KIF16B: variants seen among roughly 807,000 people sequenced by gnomAD.
KIF16B encodes the protein kinesin-like protein KIF16B.
KIF16B carries 98 observed loss-of-function variants against 156.3 expected under a neutral mutation model. The ratio of observed to expected loss-of-function variants is 0.63; its 90% CI spans 0.53 to 0.74. The LOEUF (loss-of-function observed/expected upper bound fraction) is 0.74. Among genes scored for constraint, KIF16B ranks in the 30% least tolerant of loss-of-function variants. The pLI, the probability that KIF16B is intolerant of heterozygous loss-of-function variation, is 0.00. For missense variants in KIF16B, 1,421 were observed against 1,606.5 expected, an observed-to-expected ratio of 0.88 and a Z score of 1.97; for synonymous variants, 564 against 583.7, an observed-to-expected ratio of 0.97 and a Z score of 0.49.
intron 4 of KIF16B, among the ~76,000 whole-genome samples, chr20:16,513,247 A>C (rs1200486198): frequency 6.6e-6 from 1 of 152,224 alleles, no homozygotes; most frequent in Non-Finnish European, 1.5e-5. Context: ...TTAAAAATAC[A>C]TGCTCAAATG....
rs73597774 is a variant in KIF16B, at chr20:16,491,058, A to C, written c.1302+3233T>G. Among the ~76,000 whole-genome samples, 595 of 152,334 alleles carry C rather than the reference A, an allele frequency of 3.9e-3. 5 individuals carry two copies. Among genetic ancestry groups the C allele is most frequent in the East Asian group, 0.022 (116 of 5,186 alleles). ...CAAAACCAAATACTGCAGAAGCACAAAGGAAAAGAAAATTCATCCTAACTG... is the reference window on the plus strand; with the variant it reads ...CAAAACCAAATACTGCAGAAGCACACAGGAAAAGAAAATTCATCCTAACTG... On this transcript the variant is annotated intron_variant, in intron 12 of 25. Transcript: ENST00000354981.
intron 1 of KIF16B, among the ~76,000 whole-genome samples, chr20:16,531,365 T>C (rs1263623428): frequency 6.6e-6 from 1 of 152,206 alleles, no homozygotes. Context: ...TTTAGAGATA[T>C]TCCAGCTAAA....
chr20:16,429,010 A>G lies in KIF16B; in HGVS notation c.1423-6T>C. The stretch of plus-strand genomic sequence containing the variant: ...CCAACGTATGTCTGACCTTCCTGGG[A>G]AGAAAACCCAAGCAAAATGTATTAG... On this transcript the variant is annotated splice_region_variant and splice_polypyrimidine_tract_variant and intron_variant, in intron 13 of 25. Coordinates refer to ENST00000354981, the MANE Select transcript of KIF16B (RefSeq NM_024704.5). 1.2e-6 allele frequency: 2 copies of G among 1,610,870 alleles called. No individual in the cohort carries two copies. Among genetic ancestry groups the G allele is most frequent in the Non-Finnish European group, 1.7e-6 (2 of 1,177,242 alleles).
chr20:16,499,320 T>C (rs751546713), intron 10 of KIF16B, among the ~76,000 whole-genome samples: 4 of 152,218 alleles, frequency 2.6e-5, no homozygotes, highest in Non-Finnish European at 4.4e-5. Flanking sequence ...ACATATGTAG[T>C]TCATCCTAAT....
At chr20:16,367,360 G>C in intron 22 of KIF16B, 1 of 1,612,852 alleles carries the variant, frequency 6.2e-7, no homozygotes, top group South Asian at 1.1e-5. Flanking sequence ...TTCTACTGTT[G>C]ACACATTTTT....
At chr20:16,397,781 G>C (rs141523492) in intron 17 of KIF16B, among the ~76,000 whole-genome samples, 58 of 152,360 alleles carry the variant, frequency 3.8e-4, no homozygotes, top group African/African-American at 1.2e-3. Flanking sequence ...GTGTGGGTGA[G>C]AGACTCACAA....
At chr20:16,435,329 G>T (rs1390902475) in intron 12 of KIF16B, among the ~76,000 whole-genome samples, 1 of 152,200 alleles carries the variant, frequency 6.6e-6, no homozygotes, top group Non-Finnish European at 1.5e-5. Context: ...ACTTTCCTCA[G>T]AAGGTTAAAG....
intron 22 of KIF16B, chr20:16,368,016 C>T: frequency 7.1e-7 from 1 of 1,415,122 alleles, no homozygotes; most frequent in Non-Finnish European, 9.2e-7. Context: ...TTGACTGAAG[C>T]AGGAGCAAAC....
chr20:16,307,759 A>G (rs956546867), intron 25 of KIF16B, among the ~76,000 whole-genome samples: 1 of 152,088 alleles, frequency 6.6e-6, no homozygotes, highest in African/African-American at 2.4e-5. Flanking sequence ...CTGGTAAGTG[A>G]TGGAATTAAG....
intron 6 of KIF16B, among the ~76,000 whole-genome samples, chr20:16,508,985 T>A (rs1403751977): frequency 6.6e-6 from 1 of 152,218 alleles, no homozygotes; most frequent in East Asian, 1.9e-4. Flanking sequence ...CTTCCCCTTC[T>A]GTCAGGGAAC....
In KIF16B at chr20:16,283,108, G is replaced by A. The variant is rs2063170884; in HGVS notation, c.3796-9697C>T. ...CTCTGTCAGTCTAACTCAGGGCAGG[G>A]CAAGCTTTTTCTATAAAAGGATGGA... On this transcript the variant is annotated intron_variant, in intron 25 of 25. Coordinates refer to ENST00000354981, the MANE Select transcript of KIF16B (RefSeq NM_024704.5). Among the ~76,000 whole-genome samples the A allele has an allele frequency of 2.6e-5, 4 of 152,152 alleles. No homozygotes were observed. The South Asian group carries it at 6.2e-4, about 24-fold the overall frequency.
At chr20:16,499,218 C>A (rs896972247) in intron 10 of KIF16B, among the ~76,000 whole-genome samples, 2 of 152,178 alleles carry the variant, frequency 1.3e-5, no homozygotes, top group African/African-American at 4.8e-5. Flanking sequence ...AAGGCACATC[C>A]TCCAGGGGCC....
At chr20:16,295,508 T>A (rs936838046) in intron 25 of KIF16B, among the ~76,000 whole-genome samples, 1 of 150,504 alleles carries the variant, frequency 6.6e-6, no homozygotes. Flanking sequence ...TAATTATATA[T>A]AATCTACTGA....
At chr20:16,354,617 A>G (rs1189027628) in intron 23 of KIF16B, among the ~76,000 whole-genome samples, 1 of 152,202 alleles carries the variant, frequency 6.6e-6, no homozygotes, top group African/African-American at 2.4e-5. Context: ...TAACATTTAA[A>G]TAAGAACCCA....
At chr20:16,462,114 G>A (rs1040189511) in intron 12 of KIF16B, among the ~76,000 whole-genome samples, 3 of 152,080 alleles carry the variant, frequency 2.0e-5, no homozygotes, top group Non-Finnish European at 4.4e-5. Flanking sequence ...GGTGGCACAC[G>A]CCTGTAGTCC....
chr20:16,409,972 T>TAC lies in KIF16B; in HGVS notation c.1613-3517_1613-3516insGT, dbSNP rs1453729614. Among the ~76,000 whole-genome samples, 16 of 27,508 alleles carry TAC rather than the reference T, an allele frequency of 5.8e-4. 1 individual carries two copies. Among genetic ancestry groups the TAC allele is most frequent in the South Asian group, 1.2e-3 (1 of 856 alleles). The allele number at this position is 27,508 out of a possible 152,430, so 18.0% of individuals were successfully genotyped here. ...ACATATATATATATATATATATACA[T>TAC]ATATATATATATATATATATGTAGG... On this transcript the variant is annotated intron_variant, in intron 15 of 25. Coordinates refer to ENST00000354981, the MANE Select transcript of KIF16B (RefSeq NM_024704.5).
chr20:16,283,172 A>G (rs1020693399), intron 25 of KIF16B, among the ~76,000 whole-genome samples: 5 of 152,302 alleles, frequency 3.3e-5, no homozygotes, highest in African/African-American at 1.2e-4. Context: ...AGGCGAAATT[A>G]AGGATATTAT....
intron 10 of KIF16B, among the ~76,000 whole-genome samples, chr20:16,503,297 C>T (rs1183176855): frequency 1.3e-5 from 2 of 152,150 alleles, no homozygotes; most frequent in South Asian, 2.1e-4. Flanking sequence ...GGCCTCATCA[C>T]GTGGAGCTGG....
At chr20:16,321,325 T>G (rs907353458) in intron 24 of KIF16B, among the ~76,000 whole-genome samples, 1 of 152,144 alleles carries the variant, frequency 6.6e-6, no homozygotes, top group Non-Finnish European at 1.5e-5. Context: ...TTTTACAAAT[T>G]TAATGGAAGA....
Sources: allele counts gnomAD v4.1 joint callset (sites outside exome capture counted in the v4.1 genomes callset), GRCh38; gene constraint gnomAD v4.1.1; transcripts MANE v1.5; gene names NCBI Gene and HGNC (gene_info 2026-07-23, HGNC 2026-07-21).